Variants in COL6A5 observed in about 807,000 individuals in gnomAD.
COL6A5 encodes the protein collagen alpha-5(VI) chain.
A neutral mutation model predicts 65.6 loss-of-function variants in COL6A5; 48 were observed. The ratio of observed to expected loss-of-function variants is 0.73; its 90% CI spans 0.58 to 0.93. The LOEUF (loss-of-function observed/expected upper bound fraction) is 0.93, where lower values mean the gene tolerates loss of function less well. COL6A5 is among the 40% of genes least tolerant of loss of function. The pLI is 0.00. For synonymous variants in COL6A5, 291 were observed against 322.8 expected, an observed-to-expected ratio of 0.90 and a Z score of 1.05; for missense variants, 914 against 928.3, an observed-to-expected ratio of 0.98 and a Z score of 0.20.
intron 5 of COL6A5, among the ~76,000 whole-genome samples, chr3:130,465,048 A>G (rs1709782178): frequency 6.6e-6 from 1 of 152,130 alleles, no homozygotes. Flanking sequence ...AACTTTTAAG[A>G]CACTGGACAT....
intron 7 of COL6A5, among the ~76,000 whole-genome samples, chr3:130,476,574 G>C (rs1015824527): frequency 6.6e-6 from 1 of 152,010 alleles, no homozygotes; most frequent in Non-Finnish European, 1.5e-5. Flanking sequence ...GTAAGACACA[G>C]GCATCAGTTC....
At chr3:130,416,607 T>C (rs1937344153) in intron 23 of COL6A5, 150 bp from the exon 24 acceptor site, 3 of 637,530 alleles carry the variant, frequency 4.7e-6, no homozygotes, top group South Asian at 3.8e-5. Flanking sequence ...AGCTCTGCCA[T>C]CTGCTTCTCT....
chr3:130,370,585 A>G (rs1273473105), intron 1 of COL6A5, among the ~76,000 whole-genome samples: 1 of 152,202 alleles, frequency 6.6e-6, no homozygotes, highest in African/African-American at 2.4e-5. Context: ...TCTGAAGAAA[A>G]TTATTCATTT....
intron 4 of COL6A5, among the ~76,000 whole-genome samples, chr3:130,446,584 T>C (rs1176138584): frequency 6.6e-6 from 1 of 152,142 alleles, no homozygotes; most frequent in Non-Finnish European, 1.5e-5. Context: ...TTTAAACCCA[T>C]TGTGATTTGG....
chr3:130,435,998 CT>C (rs1208968469), intron 1 of COL6A5, among the ~76,000 whole-genome samples: 3 of 152,046 alleles, frequency 2.0e-5, no homozygotes, highest in Admixed American at 6.6e-5. Flanking sequence ...GAGAGTTAGC[CT>C]TACCGTTTTC....
intron 1 of COL6A5, among the ~76,000 whole-genome samples, chr3:130,349,601 T>TTTTATTC (rs1934627713): frequency 1.3e-5 from 2 of 152,192 alleles, no homozygotes; most frequent in Non-Finnish European, 2.9e-5. Context: ...AAACATTGCC[T>TTTTATTC]AAGAAGGGTC....
intron 5 of COL6A5, among the ~76,000 whole-genome samples, chr3:130,386,521 T>G (rs1936193942): frequency 6.6e-6 from 1 of 152,094 alleles, no homozygotes; most frequent in Admixed American, 6.6e-5. Context: ...AACAAAATCC[T>G]AAGTAACAAT....
At position 130,401,178 on chromosome 3, in the gene COL6A5, G is replaced by C; in HGVS notation, c.4134+5G>C. 5.9e-6 allele frequency: 9 copies of C among 1,530,586 alleles called. No individual in the cohort carries two copies. Among genetic ancestry groups the C allele is most frequent in the Non-Finnish European group, 7.9e-6 (9 of 1,139,826 alleles). The allele number at this position is 1,530,586 out of a possible 1,614,324, so 94.8% of individuals were successfully genotyped here. On this transcript the variant is annotated splice_donor_5th_base_variant and intron_variant and NMD_transcript_variant, in intron 11 of 41. Coordinates refer to the COL6A5 transcript ENST00000312481. ...AAAAAACTATCACAGTACCTGGTGA[G>C]TTGTTGAACAAAATCCCCGGTTGTT...
At chr3:130,403,687 C>T (rs764493829) in intron 13 of COL6A5, 25 bp downstream of exon 13, 2 of 1,529,424 alleles carry the variant, frequency 1.3e-6, no homozygotes, top group South Asian at 1.2e-5. Context: ...CTCCCCCTCA[C>T]CCCCTGTTGC....
chr3:130,406,159 G>C (rs1936985649), exon 16 of COL6A5: 2 of 1,550,450 alleles, frequency 1.3e-6, no homozygotes, highest in Admixed American at 2.0e-5. Flanking sequence ...GGGATTGATG[G>C]ACTTGATGGG....
chr3:130,370,231 A>AT (rs1209989068), intron 1 of COL6A5, among the ~76,000 whole-genome samples: 2 of 152,042 alleles, frequency 1.3e-5, no homozygotes, highest in Admixed American at 1.3e-4. Flanking sequence ...TATATTCTAA[A>AT]TATTTTTTTC....
At chr3:130,396,894 G>A (rs189934664) in intron 8 of COL6A5, among the ~76,000 whole-genome samples, 4 of 152,008 alleles carry the variant, frequency 2.6e-5, no homozygotes, top group Admixed American at 2.0e-4. Flanking sequence ...ATGGAGTCTC[G>A]CTCTGTCGCC....
At chr3:130,452,682 G>A (rs985513283) in intron 4 of COL6A5, among the ~76,000 whole-genome samples, 13 of 152,270 alleles carry the variant, frequency 8.5e-5, no homozygotes, top group African/African-American at 2.4e-4. Flanking sequence ...GGGCACCATC[G>A]TCATTGATAA....
At chr3:130,427,620 T>C (rs1937632805), upstream of COL6A5, among the ~76,000 whole-genome samples, 1 of 152,060 alleles carries the variant, frequency 6.6e-6, no homozygotes, top group Non-Finnish European at 1.5e-5. Context: ...AATGGGGCTT[T>C]AGTAAAGGTG....
At chr3:130,408,213 G>A (rs28473172) in intron 17 of COL6A5, among the ~76,000 whole-genome samples, 2,192 of 147,086 alleles carry the variant, frequency 0.015, 16 homozygotes, top group Non-Finnish European at 0.017. Context: ...GAGAAATATC[G>A]CTGAATTATT....
chr3:130,432,330 G>T (rs67891747), intron 1 of COL6A5, among the ~76,000 whole-genome samples: 21,390 of 152,062 alleles, frequency 0.14, 1,934 homozygotes, highest in East Asian at 0.32. Context: ...CAAGGCGGGC[G>T]AATCATGAGG....
chr3:130,377,290 A>C (rs1935822499), intron 3 of COL6A5, among the ~76,000 whole-genome samples: 1 of 152,198 alleles, frequency 6.6e-6, no homozygotes, highest in African/African-American at 2.4e-5. Context: ...TGCCAAGCAC[A>C]GTGCCTGACA....
At chr3:130,413,344 A>C (rs567244458) in intron 20 of COL6A5, among the ~76,000 whole-genome samples, 143 of 151,952 alleles carry the variant, frequency 9.4e-4, no homozygotes, top group African/African-American at 2.9e-3. Flanking sequence ...CTTTTAGATT[A>C]GTTTGCAATC....
chr3:130,403,568 G>T (rs768410649), intron 12 of COL6A5, 41 bp from the exon 13 acceptor site: 36 of 1,507,276 alleles, frequency 2.4e-5, no homozygotes, highest in Middle Eastern at 1.7e-4. Context: ...ACTTTATTGG[G>T]GGGGGGTGAC....
Sources: gnomAD v4.1 joint callset for allele counts (sites outside exome capture counted in the v4.1 genomes callset) on GRCh38, gnomAD v4.1.1 for gene constraint, MANE v1.5 for transcripts, NCBI Gene and HGNC (gene_info 2026-07-23, HGNC 2026-07-21) for gene names.